GPC5: variants seen among roughly 807,000 people sequenced by gnomAD.
GPC5 encodes glypican 5.
In GPC5, 47 loss-of-function variants were observed where a neutral mutation model predicts 53.9. That is an observed-to-expected ratio of 0.87 (90% CI 0.69 to 1.11). The LOEUF (loss-of-function observed/expected upper bound fraction) is 1.11. GPC5 is among the 50% of genes most tolerant of loss of function. GPC5 has a pLI of 0.00. For synonymous variants in GPC5, 286 were observed against 263.3 expected (o/e 1.09, Z -0.84); for missense variants, 748 against 713.1 (o/e 1.05, Z -0.56).
intron 5 of GPC5, among the ~76,000 whole-genome samples, chr13:91,814,198 T>G (rs1490999524): frequency 6.6e-6 from 1 of 152,040 alleles, no homozygotes; most frequent in East Asian, 1.9e-4. Context: ...TCCCAAAGTG[T>G]TGGAATTACA....
intron 7 of GPC5, among the ~76,000 whole-genome samples, chr13:92,364,695 A>T (rs1240905098): frequency 6.6e-6 from 1 of 151,764 alleles, no homozygotes; most frequent in Admixed American, 6.5e-5. Flanking sequence ...GCGCCACTGC[A>T]CTCCAGTCTG....
At chr13:91,665,505 C>CTTTTTTTTTTTTTCT (rs371605806) in intron 2 of GPC5, among the ~76,000 whole-genome samples, 20,785 of 144,296 alleles carry the variant, frequency 0.14, 1,336 homozygotes, top group East Asian at 0.25. Flanking sequence ...AAAAGCCAGT[C>CTTTTTTTTTTTTTCT]TTTTTTTTTT....
chr13:91,420,845 T>C (rs1177931820), intron 1 of GPC5, among the ~76,000 whole-genome samples: 3 of 152,206 alleles, frequency 2.0e-5, no homozygotes, highest in African/African-American at 4.8e-5. Flanking sequence ...TCTGCCATGA[T>C]TGTAAGTTTC....
chr13:91,723,743 T>C (rs749971029), intron 3 of GPC5, among the ~76,000 whole-genome samples: 2 of 152,218 alleles, frequency 1.3e-5, no homozygotes, highest in Non-Finnish European at 2.9e-5. Context: ...AATAGTCCCT[T>C]TGTTGATTGC....
chr13:92,340,756 C>T (rs933478383), intron 7 of GPC5, among the ~76,000 whole-genome samples: 1 of 152,060 alleles, frequency 6.6e-6, no homozygotes, highest in African/African-American at 2.4e-5. Flanking sequence ...ACTGCTGTAG[C>T]TTTTAAAAGA....
intron 6 of GPC5, among the ~76,000 whole-genome samples, chr13:92,023,896 G>A (rs555348655): frequency 6.6e-6 from 1 of 152,112 alleles, no homozygotes; most frequent in Admixed American, 6.5e-5. Flanking sequence ...GTCACTTATT[G>A]ACAATAAGTT....
intron 3 of GPC5, among the ~76,000 whole-genome samples, chr13:91,699,147 T>G (rs1159373594): frequency 6.6e-6 from 1 of 152,216 alleles, no homozygotes; most frequent in Admixed American, 6.5e-5. Flanking sequence ...TGAGCATGAC[T>G]CAGATCAGAA....
At chr13:92,218,669 C>A (rs1052842531) in intron 7 of GPC5, among the ~76,000 whole-genome samples, 1 of 152,152 alleles carries the variant, frequency 6.6e-6, no homozygotes, top group Non-Finnish European at 1.5e-5. Context: ...TGTATGAGAA[C>A]CTAAGTTTCT....
Position 91,500,307 on chromosome 13 carries a change from T to C in GPC5, c.325+51385T>C, listed in dbSNP as rs564941375. ...TGATATTTGATGAGGAAGTAATGAATGTATAGAAATAGAGAAGTCTCTTTT... is the reference window on the plus strand; with the variant it reads ...TGATATTTGATGAGGAAGTAATGAACGTATAGAAATAGAGAAGTCTCTTTT... On this transcript the variant is annotated intron_variant, in intron 2 of 7. Coordinates refer to ENST00000377067, the MANE Select transcript of GPC5 (RefSeq NM_004466.6). 2.7e-4 allele frequency among the ~76,000 whole-genome samples: 41 copies of C among 152,348 alleles called. No individual in the cohort carries two copies. In the East Asian group the frequency reaches 6.5e-3, roughly 24 times the overall value.
intron 2 of GPC5, among the ~76,000 whole-genome samples, chr13:91,537,633 A>G (rs1279497799): frequency 6.6e-6 from 1 of 152,200 alleles, no homozygotes; most frequent in Non-Finnish European, 1.5e-5. Flanking sequence ...TTCTTCCCAA[A>G]ATGAAAGGAT....
At chr13:91,947,134 T>G (rs2139053484) in intron 6 of GPC5, among the ~76,000 whole-genome samples, 1 of 152,302 alleles carries the variant, frequency 6.6e-6, no homozygotes, top group Admixed American at 6.5e-5. Context: ...GTCAGATTAC[T>G]TTTAGTGTAT....
intron 6 of GPC5, among the ~76,000 whole-genome samples, chr13:91,952,361 C>A (rs1266303455): frequency 2.0e-5 from 3 of 152,082 alleles, no homozygotes; most frequent in Admixed American, 2.0e-4. Flanking sequence ...AAGTAATGTA[C>A]CTGTTTACCC....
intron 6 of GPC5, among the ~76,000 whole-genome samples, chr13:92,024,919 C>T (rs1388242700): frequency 6.6e-6 from 1 of 151,962 alleles, no homozygotes; most frequent in African/African-American, 2.4e-5. Flanking sequence ...GTTTATGATC[C>T]CTTAGGATTT....
At chr13:92,775,705 T>C (rs546980046) in intron 7 of GPC5, among the ~76,000 whole-genome samples, 4 of 152,322 alleles carry the variant, frequency 2.6e-5, no homozygotes, top group Admixed American at 1.3e-4. Context: ...CTTAGCTGTG[T>C]TTTCTTTCTG....
intron 7 of GPC5, among the ~76,000 whole-genome samples, chr13:92,642,114 C>T (rs9301827): frequency 0.89 from 135,104 of 152,220 alleles, 60,544 homozygotes; most frequent in South Asian, 0.97. Flanking sequence ...AGGTATATAA[C>T]GGCAATGACA....
At chr13:91,801,478 CCT>C (rs1327968428) in intron 5 of GPC5, among the ~76,000 whole-genome samples, 19 of 152,038 alleles carry the variant, frequency 1.2e-4, no homozygotes, top group Admixed American at 9.2e-4. Flanking sequence ...ATGTTGTTCC[CCT>C]GTGAAAAAAT....
intron 7 of GPC5, among the ~76,000 whole-genome samples, chr13:92,748,408 A>G (rs1889294858): frequency 6.6e-6 from 1 of 151,164 alleles, no homozygotes; most frequent in African/African-American, 2.4e-5. Context: ...ATCTCGGCTC[A>G]CTGCAACCTC....
intron 7 of GPC5, among the ~76,000 whole-genome samples, chr13:92,769,031 T>G (rs997054738): frequency 6.6e-5 from 10 of 152,312 alleles, no homozygotes; most frequent in African/African-American, 2.4e-4. Flanking sequence ...CATAAAATCT[T>G]TCTTCTTACA....
At chr13:92,702,153 C>G (rs528050818) in intron 7 of GPC5, among the ~76,000 whole-genome samples, 1 of 152,212 alleles carries the variant, frequency 6.6e-6, no homozygotes, top group South Asian at 2.1e-4. Flanking sequence ...TTGCTATATT[C>G]TGCCCTTTTA....
Sources: allele counts gnomAD v4.1 joint callset (sites outside exome capture counted in the v4.1 genomes callset), GRCh38; gene constraint gnomAD v4.1.1; transcripts MANE v1.5; gene names NCBI Gene and HGNC (gene_info 2026-07-23, HGNC 2026-07-21).